NIPSNAP1: variants seen among roughly 807,000 people sequenced by gnomAD.
The protein encoded by NIPSNAP1 is nipsnap homolog 1, also known as protein NipSnap homolog 1.
NIPSNAP1 carries 25 observed loss-of-function variants against 49.2 expected under a neutral mutation model. That is an observed-to-expected ratio of 0.51 (90% CI 0.37 to 0.71). The LOEUF is 0.71. Ranked by LOEUF, NIPSNAP1 falls within the 30% of genes least tolerant of loss-of-function variation. The pLI, the probability that NIPSNAP1 is intolerant of heterozygous loss-of-function variation, is 0.00. For synonymous variants in NIPSNAP1, 143 were observed against 140.7 expected, an observed-to-expected ratio of 1.02 and a Z score of -0.12; for missense variants, 294 against 361.0, an observed-to-expected ratio of 0.81 and a Z score of 1.50.
chr22:29,564,136 G>A (rs1208191541), intron 4 of NIPSNAP1: 1 of 342,416 alleles, frequency 2.9e-6, no homozygotes, highest in Non-Finnish European at 5.7e-6. Context: ...AAGGTCCCCA[G>A]GGGATCACAC....
At chr22:29,579,617 C>T (rs2064482758) in intron 1 of NIPSNAP1, 1 of 163,270 alleles carries the variant, frequency 6.1e-6, no homozygotes. Context: ...TTTATAGAGA[C>T]AGGATCTCGC....
At chr22:29,567,436 A>G (rs1402561743) in intron 4 of NIPSNAP1, among the ~76,000 whole-genome samples, 1 of 152,228 alleles carries the variant, frequency 6.6e-6, no homozygotes, top group Non-Finnish European at 1.5e-5. Flanking sequence ...CTATAGGGGT[A>G]CATGATCAGG....
chr22:29,570,914 T>TG (rs1374563219), intron 1 of NIPSNAP1, among the ~76,000 whole-genome samples: 1 of 152,016 alleles, frequency 6.6e-6, no homozygotes, highest in Non-Finnish European at 1.5e-5. Flanking sequence ...CCAAAGCCCT[T>TG]GACAACCCAA....
intron 4 of NIPSNAP1, among the ~76,000 whole-genome samples, chr22:29,566,282 A>T (rs2064367974): frequency 6.6e-6 from 1 of 152,038 alleles, no homozygotes; most frequent in East Asian, 1.9e-4. Flanking sequence ...CTGGGATTAT[A>T]AGCATAAGCC....
intron 4 of NIPSNAP1, among the ~76,000 whole-genome samples, chr22:29,568,558 T>C (rs1340254033): frequency 7.4e-5 from 11 of 149,484 alleles, no homozygotes; most frequent in Admixed American, 1.3e-4. Context: ...TTTGGGAGGC[T>C]GAGGCAGGTG....
chr22:29,570,272 A>T, intron 2 of NIPSNAP1, 65 bp from the exon 3 acceptor site: 1 of 1,600,888 alleles, frequency 6.2e-7, no homozygotes, highest in South Asian at 1.1e-5. Flanking sequence ...ACTTGGGGTG[A>T]GGGGAGCCCA....
rs2064333809 is a variant in NIPSNAP1 at position 29,561,309 on chromosome 22, G to C, written c.580-107C>G. The C allele has an allele frequency of 2.0e-6, 3 of 1,496,220 alleles. No individual in the cohort carries two copies. In the South Asian group the frequency reaches 3.4e-5, roughly 17 times the overall value. 92.7% of individuals were successfully genotyped at this position (1,496,220 alleles called of 1,614,324 possible). On this transcript the variant is annotated intron_variant, in intron 6 of 9. Transcript: ENST00000216121. ...GCCCTGTCTCCCCACCTCCCAAGCT[G>C]CAGCGGCCATTTGGCCTCATTCGCA...
At chr22:29,560,880 A>C (rs1312374706) in intron 7 of NIPSNAP1, 52 bp from the exon 8 acceptor site, 1 of 1,531,450 alleles carries the variant, frequency 6.5e-7, no homozygotes, top group Non-Finnish European at 9.0e-7. Context: ...TGCAGAGGGT[A>C]CTGAGGCTGA....
At chr22:29,563,311 T>C (rs456585) in intron 4 of NIPSNAP1, among the ~76,000 whole-genome samples, 129,412 of 151,876 alleles carry the variant, frequency 0.85, 55,835 homozygotes, top group African/African-American at 0.96. Flanking sequence ...AGGTGGATCA[T>C]CTGAAGTCGG....
intron 9 of NIPSNAP1, among the ~76,000 whole-genome samples, chr22:29,556,302 A>C (rs901968076): frequency 6.6e-6 from 1 of 152,186 alleles, no homozygotes; most frequent in African/African-American, 2.4e-5. Flanking sequence ...AGACAGGCGG[A>C]TCACCTGAGG....
intron 4 of NIPSNAP1, among the ~76,000 whole-genome samples, chr22:29,564,536 C>T (rs1468713062): frequency 1.3e-5 from 2 of 152,190 alleles, no homozygotes; most frequent in Non-Finnish European, 2.9e-5. Context: ...GCCTATGCCT[C>T]CCAAGTAGCT....
rs2064434434 is a variant in NIPSNAP1, at chr22:29,574,289, A to AAAGAAAGAAAAAG, written c.99-3758_99-3757insCTTTTTCTTTCTT. ...AAAAAAAAAAAAAAAAAAAAAAAAA[A>AAAGAAAGAAAAAG]AAAGAAAGAAAAAGAAAAGAAAATA... is the stretch of plus-strand genomic sequence containing the variant. On this transcript the variant is annotated intron_variant, in intron 1 of 9. Coordinates refer to ENST00000216121, the MANE Select transcript of NIPSNAP1 (RefSeq NM_003634.4). Among the ~76,000 whole-genome samples the AAAGAAAGAAAAAG allele has an allele frequency of 8.1e-4, 102 of 125,202 alleles. 3 individuals carry two copies. The highest frequency in any genetic ancestry group is 3.1e-3 in the African/African-American group (94 of 30,448). 82.1% of individuals were successfully genotyped at this position (125,202 alleles called of 152,430 possible).
At chr22:29,561,376 T>TGC in intron 6 of NIPSNAP1, 130 bp downstream of exon 6, 1 of 1,462,248 alleles carries the variant, frequency 6.8e-7, no homozygotes, top group Non-Finnish European at 9.5e-7. Context: ...CACACATGTG[T>TGC]ATACAACTCT....
In NIPSNAP1 at chr22:29,580,894, A is replaced by G. The variant is rs574976644; in HGVS notation, c.98+91T>C. The G allele has an allele frequency of 4.7e-5, 48 of 1,012,330 alleles. No individual in the cohort carries two copies. The East Asian group carries it at 9.6e-4, about 20-fold the overall frequency. 62.7% of individuals were successfully genotyped at this position (1,012,330 alleles called of 1,614,324 possible). A position where few individuals can be genotyped will look rare whatever the true frequency, so the allele number is the denominator to read the frequency against. On this transcript the variant is annotated intron_variant, in intron 1 of 9. Transcript: ENST00000216121. ...TCTAACCCCCAGATTCCAAGCGAGG[A>G]GTCTCAGCCCCTCCCCCACGACCCA...
chr22:29,562,668 GCAA>G (rs1270293506), intron 4 of NIPSNAP1, among the ~76,000 whole-genome samples: 1 of 151,750 alleles, frequency 6.6e-6, no homozygotes, highest in African/African-American at 2.4e-5. Context: ...TCCAACCTGG[GCAA>G]CAAGAGCGAA....
intron 4 of NIPSNAP1, among the ~76,000 whole-genome samples, chr22:29,562,119 C>A (rs543901913): frequency 2.0e-5 from 3 of 152,226 alleles, no homozygotes; most frequent in African/African-American, 7.2e-5. Context: ...TCAATGTTCT[C>A]ATCTTGAAAA....
At position 29,570,457 on chromosome 22, in the gene NIPSNAP1, G is replaced by A. The variant is rs1300136120; in HGVS notation, c.174C>T (p.Ala58=). The A allele has an allele frequency of 6.2e-7, 1 of 1,614,120 alleles. No individual in the cohort carries two copies. The highest frequency in any genetic ancestry group is 1.3e-5 in the African/African-American group (1 of 75,026). Residue 58 remains alanine (A), a synonymous_variant, in exon 2 of 10, where the codon GCC becomes GCT. Coordinates refer to ENST00000216121, the MANE Select transcript of NIPSNAP1 (RefSeq NM_003634.4). The stretch of plus-strand genomic sequence containing the variant: ...CCTTCTTGGACAGCAGGGTGGAGTG[G>A]GCATCCTTCCGGGGATCCACTTTGT... ...FVHKVDPRKD[A]HSTLLSKKET...
chr22:29,570,034 A>C, intron 3 of NIPSNAP1, 128 bp downstream of exon 3: 1 of 789,146 alleles, frequency 1.3e-6, no homozygotes, highest in Non-Finnish European at 2.2e-6. Flanking sequence ...AAAAAGGCAG[A>C]AATAAAAGAA....
intron 9 of NIPSNAP1, 62 bp from the exon 10 acceptor site, chr22:29,556,061 C>T (rs2064292385): frequency 2.1e-6 from 3 of 1,424,194 alleles, no homozygotes; most frequent in South Asian, 2.5e-5. Flanking sequence ...CCTCCCCTGG[C>T]CCCACCCACA....
Sources: allele counts gnomAD v4.1 joint callset (sites outside exome capture counted in the v4.1 genomes callset), GRCh38; gene constraint gnomAD v4.1.1; transcripts MANE v1.5; gene names NCBI Gene and HGNC (gene_info 2026-07-23, HGNC 2026-07-21).